The following RPF2 variants were observed in gnomAD, a reference collection of about 807,000 sequenced individuals.
RPF2 encodes brix domain containing 1.
Under a neutral mutation model 38.9 loss-of-function variants are expected in RPF2, and 21 were observed. The observed-to-expected ratio is 0.54, with a 90% CI of 0.38 to 0.78. The LOEUF (loss-of-function observed/expected upper bound fraction) is 0.78, where lower values mean the gene tolerates loss of function less well. Among genes scored for constraint, RPF2 ranks in the 30% least tolerant of loss-of-function variants. The probability of loss-of-function intolerance (pLI) is 0.00; values close to 1 mark genes in which losing one functional copy is unlikely to be tolerated. For missense variants in RPF2, 314 were observed against 358.1 expected (o/e 0.88, Z 0.99); for synonymous variants, 121 against 126.2 (o/e 0.96, Z 0.28).
At chr6:111,007,574 T>C (rs1221634087) in intron 6 of RPF2, among the ~76,000 whole-genome samples, 1 of 152,126 alleles carries the variant, frequency 6.6e-6, no homozygotes, top group African/African-American at 2.4e-5. Context: ...TTGCCTCTAA[T>C]ATCAGTATTC....
At chr6:111,012,474 T>A (rs1197095617) in intron 7 of RPF2, among the ~76,000 whole-genome samples, 2 of 152,136 alleles carry the variant, frequency 1.3e-5, no homozygotes, top group African/African-American at 4.8e-5. Context: ...TATTCTTCCC[T>A]TCTTAAATGG....
At chr6:111,017,534 G>A (rs1349696494) in intron 8 of RPF2, among the ~76,000 whole-genome samples, 2 of 151,806 alleles carry the variant, frequency 1.3e-5, no homozygotes, top group Non-Finnish European at 2.9e-5. Flanking sequence ...TCACTTCTTA[G>A]ACGGGGCGGC....
chr6:111,007,541 GA>G (rs896190027), intron 6 of RPF2, among the ~76,000 whole-genome samples: 13 of 148,822 alleles, frequency 8.7e-5, no homozygotes, highest in African/African-American at 2.0e-4. Flanking sequence ...TCTTTAAAAA[GA>G]AAAAAAAACC....
chr6:111,011,255 A>G (rs1185722058), intron 7 of RPF2, among the ~76,000 whole-genome samples: 1 of 151,722 alleles, frequency 6.6e-6, no homozygotes, highest in Non-Finnish European at 1.5e-5. Flanking sequence ...AATATTATAT[A>G]TCCCAAATTA....
Position 110,982,058 on chromosome 6 carries a change from C to G in RPF2, c.-49C>G, listed in dbSNP as rs374000175. 20 of 1,608,712 alleles carry G rather than the reference C, an allele frequency of 1.2e-5. No homozygotes were observed. Among genetic ancestry groups the G allele is most frequent in the Non-Finnish European group, 1.5e-5 (18 of 1,175,250 alleles). The stretch of plus-strand genomic sequence containing the variant: ...CGCCTGTTCCGGCGCACGTAATCGC[C>G]GAGGGCACGTGCATGCCCCCTGGTT... On this transcript the variant is annotated 5_prime_UTR_variant, in exon 1 of 10. Coordinates refer to ENST00000441448, the MANE Select transcript of RPF2 (RefSeq NM_032194.3).
At chr6:110,982,229 CTAAT>C in intron 1 of RPF2, 100 bp downstream of exon 1, 1 of 1,358,924 alleles carries the variant, frequency 7.4e-7, no homozygotes, top group Non-Finnish European at 1.1e-6. Flanking sequence ...GGTTACCCCT[CTAAT>C]TACCTGGGTG....
intron 7 of RPF2, among the ~76,000 whole-genome samples, chr6:111,012,362 A>G (rs2114337430): frequency 6.6e-6 from 1 of 151,958 alleles, no homozygotes; most frequent in East Asian, 1.9e-4. Flanking sequence ...TGTAGACATG[A>G]GGTCTTGCTG....
rs147149680 is a variant in RPF2, at chr6:110,994,727, G to GTATATATA, written c.235-2455_235-2448dup. ...GCAGACTTTGTGGAGAATGGGATGA[G>GTATATATA]TATATATACACACACACACACACAC... On this transcript the variant is annotated intron_variant, in intron 4 of 9. Transcript: ENST00000441448. 4.8e-4 allele frequency among the ~76,000 whole-genome samples: 52 copies of GTATATATA among 107,392 alleles called. 1 individual carries two copies. Among genetic ancestry groups the GTATATATA allele is most frequent in the East Asian group, 1.7e-3 (6 of 3,592 alleles). The allele number at this position is 107,392 out of a possible 152,430, so 70.5% of individuals were successfully genotyped here.
chr6:110,999,858 A>C (rs894234580), intron 6 of RPF2, 71 bp downstream of exon 6: 10 of 844,196 alleles, frequency 1.2e-5, no homozygotes, highest in Middle Eastern at 2.6e-4. Context: ...CTTGTGGTGA[A>C]GAGTACTGAT....
chr6:110,982,196 T>C lies in RPF2; in HGVS notation c.23+67T>C, dbSNP rs1006859215. ...AAGGGTCCCGTGATGAGGGTGGTAC[T>C]GTCTCGGCCTCTCACTCTTCCTGGT... On this transcript the variant is annotated intron_variant, in intron 1 of 9. Coordinates refer to ENST00000441448, the MANE Select transcript of RPF2 (RefSeq NM_032194.3). 6 of 1,542,086 alleles carry C rather than the reference T, an allele frequency of 3.9e-6. No individual in the cohort carries two copies. In the African/African-American group the frequency reaches 5.4e-5, roughly 14 times the overall value.
At chr6:111,001,231 C>G (rs527254923) in intron 6 of RPF2, among the ~76,000 whole-genome samples, 1 of 152,188 alleles carries the variant, frequency 6.6e-6, no homozygotes, top group East Asian at 1.9e-4. Flanking sequence ...CAGTTGCAAT[C>G]ACATGTAAAA....
At position 110,991,081 on chromosome 6, in the gene RPF2, T is replaced by C. The variant is rs921263168; in HGVS notation, c.195-666T>C. ...ATTAAAATCTGGGTATGCTCGTCTCTTACATAAAATGGCCTAGTATTTGCA... is the reference window on the plus strand; with the variant it reads ...ATTAAAATCTGGGTATGCTCGTCTCCTACATAAAATGGCCTAGTATTTGCA... On this transcript the variant is annotated intron_variant, in intron 3 of 9. Coordinates refer to ENST00000441448, the MANE Select transcript of RPF2 (RefSeq NM_032194.3). Among the ~76,000 whole-genome samples the C allele has an allele frequency of 3.9e-5, 6 of 152,264 alleles. No individual in the cohort carries two copies. The East Asian group carries it at 9.7e-4, about 24-fold the overall frequency.
At chr6:110,992,573 C>A (rs1030560975) in intron 4 of RPF2, among the ~76,000 whole-genome samples, 1 of 151,966 alleles carries the variant, frequency 6.6e-6, no homozygotes, top group Non-Finnish European at 1.5e-5. Context: ...CCATCACACA[C>A]AATTGGATAC....
intron 2 of RPF2, among the ~76,000 whole-genome samples, chr6:110,986,895 G>A (rs1171035624): frequency 6.6e-6 from 1 of 151,106 alleles, no homozygotes; most frequent in African/African-American, 2.4e-5. Flanking sequence ...GGAGGTTGGA[G>A]TGAGCTGAGA....
chr6:110,984,416 T>TA (rs1178254966), intron 1 of RPF2, among the ~76,000 whole-genome samples: 2 of 151,708 alleles, frequency 1.3e-5, no homozygotes, highest in Non-Finnish European at 2.9e-5. Context: ...ATTTTTTACT[T>TA]AAAAAAAAGA....
At chr6:111,013,065 C>T (rs1333898448) in intron 7 of RPF2, among the ~76,000 whole-genome samples, 1 of 152,174 alleles carries the variant, frequency 6.6e-6, no homozygotes, top group Non-Finnish European at 1.5e-5. Flanking sequence ...AGTGTATATA[C>T]CACTTGCATG....
chr6:111,002,698 A>G (rs985799735), intron 6 of RPF2, among the ~76,000 whole-genome samples: 18 of 152,172 alleles, frequency 1.2e-4, no homozygotes, highest in Admixed American at 1.2e-3. Context: ...GAGTGCATAT[A>G]TAACTATAAA....
At chr6:111,012,984 A>G (rs1351688912) in intron 7 of RPF2, among the ~76,000 whole-genome samples, 2 of 152,160 alleles carry the variant, frequency 1.3e-5, no homozygotes, top group African/African-American at 2.4e-5. Context: ...TTTTATTTAT[A>G]CAGTATTATT....
At chr6:110,989,756 G>A (rs1771587416) in intron 3 of RPF2, among the ~76,000 whole-genome samples, 1 of 150,308 alleles carries the variant, frequency 6.7e-6, no homozygotes, top group Non-Finnish European at 1.5e-5. Flanking sequence ...CTCCTGAGTT[G>A]GGATTACAGG....
Sources: allele counts gnomAD v4.1 joint callset (sites outside exome capture counted in the v4.1 genomes callset), GRCh38; gene constraint gnomAD v4.1.1; transcripts MANE v1.5; gene names NCBI Gene and HGNC (gene_info 2026-07-23, HGNC 2026-07-21).